TOGARAM2: variants seen among roughly 807,000 people sequenced by gnomAD.
TOGARAM2 encodes the protein TOG array regulator of axonemal microtubules 2, also known as TOG array regulator of axonemal microtubules protein 2.
In TOGARAM2, 85 loss-of-function variants were observed where a neutral mutation model predicts 93.3. The ratio of observed to expected loss-of-function variants is 0.91; its 90% CI spans 0.76 to 1.09. The LOEUF (loss-of-function observed/expected upper bound fraction) is 1.09. TOGARAM2 is among the 50% of genes least tolerant of loss of function. The pLI, the probability that TOGARAM2 is intolerant of heterozygous loss-of-function variation, is 0.00. For synonymous variants in TOGARAM2, 593 were observed against 552.8 expected, an observed-to-expected ratio of 1.07 and a Z score of -1.02; for missense variants, 1,277 against 1,334.5, an observed-to-expected ratio of 0.96 and a Z score of 0.67.
chr2:29,000,356 C>G (rs1207183404), intron 4 of TOGARAM2, among the ~76,000 whole-genome samples: 1 of 152,152 alleles, frequency 6.6e-6, no homozygotes, highest in African/African-American at 2.4e-5. Flanking sequence ...CTCACTGGCT[C>G]TGGGGCCTTG....
chr2:28,962,727 C>G (rs1324460589), intron 1 of TOGARAM2, among the ~76,000 whole-genome samples: 2 of 151,150 alleles, frequency 1.3e-5, no homozygotes, highest in African/African-American at 4.9e-5. Context: ...CCCTCTGCCT[C>G]TCTGTCTCCC....
chr2:29,026,604 G>A (rs910121037), intron 13 of TOGARAM2, among the ~76,000 whole-genome samples: 3 of 152,184 alleles, frequency 2.0e-5, no homozygotes, highest in Admixed American at 6.5e-5. Context: ...GTATGCATAC[G>A]GTGTATTGGG....
intron 18 of TOGARAM2, among the ~76,000 whole-genome samples, chr2:29,038,379 G>A (rs573607387): frequency 1.3e-5 from 2 of 152,324 alleles, no homozygotes; most frequent in East Asian, 3.9e-4. Flanking sequence ...GGCTGGAATG[G>A]AATGGTGTGG....
At chr2:29,040,873 C>CTTT (rs916448975) in intron 18 of TOGARAM2, among the ~76,000 whole-genome samples, 6 of 152,088 alleles carry the variant, frequency 3.9e-5, no homozygotes, top group Non-Finnish European at 7.3e-5. Context: ...CTTTGAGTCT[C>CTTT]TTTTTTGGCC....
In TOGARAM2 at chr2:28,999,433, G is replaced by A. The variant is rs376738396; in HGVS notation, c.392G>A (p.Arg131Lys). Residue 131 changes from arginine (R) to lysine (K), a missense_variant, in exon 4 of 20, where the codon AGG (arginine) becomes AAG (lysine). Physicochemically the swap from Arg to Lys is conservative, Grantham distance 26. Transcript: ENST00000379558. ...CAGATTAAGGACAAGCTCAAGAAAA[G>A]GAGGCTCTCAGAGGGCTTGGCAGCG... ...TIQIKDKLKK[R>K]RLSEGLAASS... 67 of 1,612,646 alleles carry A rather than the reference G, an allele frequency of 4.2e-5. No homozygotes were observed. The African/African-American group carries it at 8.3e-4, about 20-fold the overall frequency.
chr2:29,036,420 C>T lies in TOGARAM2; in HGVS notation c.2419-121C>T, dbSNP rs114175233. 584 of 801,784 alleles carry T rather than the reference C, an allele frequency of 7.3e-4. 2 individuals are homozygous for T. Among genetic ancestry groups the T allele is most frequent in the African/African-American group, 6.1e-3 (356 of 58,058 alleles). 49.7% of individuals were successfully genotyped at this position (801,784 alleles called of 1,614,324 possible). Reference sequence around the variant, plus strand: ...AGAGTGCTGTGGCATAGGTCAGGGACGCAGGAGGAGTCTCTGCTGAGGTCG... The same window carrying T: ...AGAGTGCTGTGGCATAGGTCAGGGATGCAGGAGGAGTCTCTGCTGAGGTCG... On this transcript the variant is annotated intron_variant, in intron 17 of 19. Coordinates refer to ENST00000379558, the MANE Select transcript of TOGARAM2 (RefSeq NM_199280.4).
intron 6 of TOGARAM2, among the ~76,000 whole-genome samples, chr2:29,006,901 C>CAG (rs1435042475): frequency 2.6e-5 from 4 of 152,184 alleles, no homozygotes; most frequent in Non-Finnish European, 4.4e-5. Context: ...TCACTGGCCC[C>CAG]AGACCTGTGG....
chr2:28,966,099 T>C (rs924807319), intron 1 of TOGARAM2, among the ~76,000 whole-genome samples: 3 of 151,932 alleles, frequency 2.0e-5, no homozygotes, highest in African/African-American at 7.3e-5. Context: ...TTTGGCTCAA[T>C]GCAACCTTTG....
chr2:28,972,517 C>G (rs961994662), intron 1 of TOGARAM2: 1 of 152,244 alleles, frequency 6.6e-6, no homozygotes, highest in South Asian at 2.1e-4. Context: ...CCTTCAGACG[C>G]AGCCTCAGCA....
intron 1 of TOGARAM2, among the ~76,000 whole-genome samples, chr2:28,965,747 G>C (rs558710105): frequency 1.6e-4 from 24 of 152,088 alleles, no homozygotes; most frequent in African/African-American, 5.8e-4. Flanking sequence ...GAGCTCTGCC[G>C]TATGACTTCC....
rs779220759 is a variant in TOGARAM2 at position 29,014,411 on chromosome 2, C to A, written c.894C>A (p.Ala298=). 1 of 1,610,582 alleles carries A rather than the reference C, an allele frequency of 6.2e-7. No homozygotes were observed. Among genetic ancestry groups the A allele is most frequent in the Non-Finnish European group, 8.5e-7 (1 of 1,178,786 alleles). Reference sequence around the variant, plus strand: ...ACCCCTCAGAGCCAAAACCTTTGGCCTCACCCATCAGAGACAGGCCTGCCG... The same window carrying A: ...ACCCCTCAGAGCCAAAACCTTTGGCATCACCCATCAGAGACAGGCCTGCCG... ...TPASLEPKPL[A]SPIRDRPAAA... Residue 298 remains alanine (A), a synonymous_variant, in exon 8 of 20, where the codon GCC becomes GCA. Coordinates refer to ENST00000379558, the MANE Select transcript of TOGARAM2 (RefSeq NM_199280.4).
At chr2:29,002,955 G>A (rs914597413) in intron 5 of TOGARAM2, among the ~76,000 whole-genome samples, 5 of 152,206 alleles carry the variant, frequency 3.3e-5, no homozygotes, top group African/African-American at 1.2e-4. Context: ...AACCTCCATA[G>A]CTGGCCTGGG....
Position 29,051,999 on chromosome 2 carries a change from C to T in TOGARAM2, c.2966C>T (p.Ser989Leu), listed in dbSNP as rs1352543372. The T allele has an allele frequency of 5.0e-6, 8 of 1,613,214 alleles. No homozygotes were observed. In the African/African-American group the frequency reaches 5.3e-5, roughly 11 times the overall value. Residue 989 changes from serine (S) to leucine (L), a missense_variant, in exon 20 of 20, where the codon TCA becomes TTA. Coordinates refer to ENST00000379558, the MANE Select transcript of TOGARAM2 (RefSeq NM_199280.4). ...VLKTLQELLDSESLGGSRKAT... is the reference protein window; with the variant it reads ...VLKTLQELLDLESLGGSRKAT... ...AAGACGCTCCAGGAACTCTTAGACTCAGAGTCCTTGGGAGGCAGCCGCAAG... is the reference window on the plus strand; with the variant it reads ...AAGACGCTCCAGGAACTCTTAGACTTAGAGTCCTTGGGAGGCAGCCGCAAG...
upstream of TOGARAM2, among the ~76,000 whole-genome samples, chr2:28,979,721 C>A (rs1008801402): frequency 2.6e-5 from 4 of 152,150 alleles, no homozygotes; most frequent in Non-Finnish European, 5.9e-5. Flanking sequence ...AAGGAGGATG[C>A]AGTGGGGCCT....
Position 29,003,528 on chromosome 2 carries a change from G to A in TOGARAM2, c.676G>A (p.Glu226Lys), listed in dbSNP as rs376470278. 29 of 1,586,920 alleles carry A rather than the reference G, an allele frequency of 1.8e-5. No homozygotes were observed. Among genetic ancestry groups the A allele is most frequent in the Non-Finnish European group, 2.5e-5 (29 of 1,167,564 alleles). The change falls in exon 6 of 20, where the codon GAG becomes AAG. Residue 226 changes from glutamate to lysine, a missense_variant. Physicochemically the swap from Glu to Lys is moderately conservative, Grantham distance 56. Coordinates refer to ENST00000379558, the MANE Select transcript of TOGARAM2 (RefSeq NM_199280.4). Reference sequence around the variant, plus strand: ...CTGGCAATACCTGCACTGCAATGATGAGAAGATGCAGAAGTCCCTGGGCGC... The same window carrying A: ...CTGGCAATACCTGCACTGCAATGATAAGAAGATGCAGAAGTCCCTGGGCGC... ...ISWQYLHCND[E>K]KMQKSLGAIV...
intron 14 of TOGARAM2, among the ~76,000 whole-genome samples, chr2:29,030,497 G>T (rs1218294475): frequency 4.6e-5 from 7 of 152,100 alleles, no homozygotes; most frequent in Admixed American, 2.0e-4. Flanking sequence ...TGGTTTGCTT[G>T]TTGGTTTTAA....
At position 29,017,138 on chromosome 2, in the gene TOGARAM2, C is replaced by T; in HGVS notation, c.1045-16C>T. The T allele has an allele frequency of 1.2e-6, 2 of 1,610,504 alleles. No homozygotes were observed. Among genetic ancestry groups the T allele is most frequent in the Non-Finnish European group, 1.7e-6 (2 of 1,178,536 alleles). ...TGAATGGGAGGTTAATAGAGTTTGC[C>T]TTGACCTTGTGCCAGATCCAAGTCA... On this transcript the variant is annotated splice_polypyrimidine_tract_variant and intron_variant, in intron 8 of 19. Coordinates refer to ENST00000379558, the MANE Select transcript of TOGARAM2 (RefSeq NM_199280.4).
In TOGARAM2 at chr2:29,022,171, T is replaced by G. The variant is rs764013664; in HGVS notation, c.1374T>G (p.Pro458=). The change falls in exon 11 of 20, where the codon CCT becomes CCG. Residue 458 remains proline, a synonymous_variant. Transcript: ENST00000379558. ...FARHASANSL[P]AVLTLGSPEW... The stretch of plus-strand genomic sequence containing the variant: ...TTGTGAATGCAGCTAACTCATTACC[T>G]GCGGTGCTCACGTTGGGGTCTCCTG... 4 of 1,613,910 alleles carry G rather than the reference T, an allele frequency of 2.5e-6. No homozygotes were observed. Among genetic ancestry groups the G allele is most frequent in the Non-Finnish European group, 1.7e-6 (2 of 1,179,892 alleles).
At chr2:28,967,683 G>A (rs966199070) in intron 1 of TOGARAM2, among the ~76,000 whole-genome samples, 2 of 151,752 alleles carry the variant, frequency 1.3e-5, no homozygotes, top group East Asian at 1.9e-4. Flanking sequence ...AGTTTCCAGC[G>A]CTTACTCCGT....
Sources: allele counts gnomAD v4.1 joint callset (sites outside exome capture counted in the v4.1 genomes callset), GRCh38; gene constraint gnomAD v4.1.1; transcripts MANE v1.5; gene names NCBI Gene and HGNC (gene_info 2026-07-23, HGNC 2026-07-21).